TGFBR3: variants seen among roughly 807,000 people sequenced by gnomAD.
TGFBR3 encodes transforming growth factor beta receptor 3, also known as transforming growth factor beta receptor type 3.
Under a neutral mutation model 87.9 loss-of-function variants are expected in TGFBR3, and 46 were observed. The ratio of observed to expected loss-of-function variants is 0.52; its 90% CI spans 0.41 to 0.67. The LOEUF (loss-of-function observed/expected upper bound fraction) is 0.67. Ranked by LOEUF, TGFBR3 falls within the 30% of genes least tolerant of loss-of-function variation. The probability of loss-of-function intolerance (pLI) is 0.00; values close to 1 mark genes in which losing one functional copy is unlikely to be tolerated. For synonymous variants in TGFBR3, 381 were observed against 391.6 expected (o/e 0.97, Z 0.32); for missense variants, 866 against 1,041.9 (o/e 0.83, Z 2.32).
At chr1:91,746,468 C>T (rs181382572) in intron 4 of TGFBR3, among the ~76,000 whole-genome samples, 3 of 152,100 alleles carry the variant, frequency 2.0e-5, no homozygotes, top group Admixed American at 1.3e-4. Context: ...GAAGAGCTTA[C>T]CCCCAAATTC....
chr1:91,865,625 G>A (rs1194564600), intron 1 of TGFBR3, among the ~76,000 whole-genome samples: 5 of 152,078 alleles, frequency 3.3e-5, no homozygotes, highest in Non-Finnish European at 7.4e-5. Flanking sequence ...AAAATTCTGA[G>A]AACTTGGCCG....
chr1:91,805,005 A>C (rs1253208617), intron 2 of TGFBR3, among the ~76,000 whole-genome samples: 1 of 152,222 alleles, frequency 6.6e-6, no homozygotes, highest in African/African-American at 2.4e-5. Context: ...GCTCATAAGC[A>C]CACACGCGTG....
intron 2 of TGFBR3, among the ~76,000 whole-genome samples, chr1:91,821,845 G>A (rs934428245): frequency 3.3e-5 from 5 of 152,142 alleles, no homozygotes; most frequent in Non-Finnish European, 7.4e-5. Flanking sequence ...GCAAATATAC[G>A]ATACATATTA....
intron 2 of TGFBR3, among the ~76,000 whole-genome samples, chr1:91,848,847 C>A (rs553619479): frequency 6.6e-6 from 1 of 152,068 alleles, no homozygotes; most frequent in African/African-American, 2.4e-5. Context: ...GCTATTAAGA[C>A]GATGATTTTT....
chr1:91,717,090 A>C (rs982795217), intron 10 of TGFBR3, among the ~76,000 whole-genome samples: 1 of 152,242 alleles, frequency 6.6e-6, no homozygotes, highest in Admixed American at 6.5e-5. Flanking sequence ...TCCCCTTAAG[A>C]GTCTTTATAT....
At chr1:91,874,011 C>T (rs144108137) in intron 1 of TGFBR3, among the ~76,000 whole-genome samples, 5 of 151,894 alleles carry the variant, frequency 3.3e-5, no homozygotes, top group African/African-American at 1.2e-4. Context: ...TTATCAAGTG[C>T]CTGCTTCATG....
intron 1 of TGFBR3, among the ~76,000 whole-genome samples, chr1:91,875,951 G>C (rs1424456765): frequency 6.6e-6 from 1 of 151,150 alleles, no homozygotes; most frequent in Non-Finnish European, 1.5e-5. Flanking sequence ...AAACAAAATG[G>C]AAGACTGAAG....
chr1:91,752,888 G>A (rs1673599999), intron 4 of TGFBR3, among the ~76,000 whole-genome samples: 2 of 151,736 alleles, frequency 1.3e-5, no homozygotes, highest in African/African-American at 2.4e-5. Context: ...TTAGCTGGGT[G>A]TGGGGGTACA....
intron 1 of TGFBR3, among the ~76,000 whole-genome samples, chr1:91,902,751 C>A (rs1679759162): frequency 2.0e-5 from 3 of 152,078 alleles, no homozygotes; most frequent in South Asian, 4.2e-4. Flanking sequence ...AATTCAGCAC[C>A]CAGCACTGAA....
At chr1:91,753,390 C>CAA (rs71586711) in intron 4 of TGFBR3, among the ~76,000 whole-genome samples, 1,306 of 52,350 alleles carry the variant, frequency 0.025, 192 homozygotes, top group African/African-American at 0.033. Flanking sequence ...ACTCTGTCCT[C>CAA]AAAAAAAAAA....
Position 91,861,551 on chromosome 1 carries a change from C to T in TGFBR3, c.-20G>A, listed in dbSNP as rs567071982. 1.0e-4 allele frequency: 167 copies of T among 1,606,402 alleles called. No individual in the cohort carries two copies. Among genetic ancestry groups the T allele is most frequent in the South Asian group, 6.6e-4 (60 of 90,902 alleles). ...AGTCATTTTTATTTCTCCAACAGTG[C>T]GTCTCGTCCAGTCACTTCAGCCTGC... On this transcript the variant is annotated 5_prime_UTR_variant, in exon 2 of 17. Transcript: ENST00000212355.
At chr1:91,855,225 C>T (rs560484998) in intron 2 of TGFBR3, among the ~76,000 whole-genome samples, 3 of 152,300 alleles carry the variant, frequency 2.0e-5, no homozygotes, top group Non-Finnish European at 2.9e-5. Context: ...AGTTTGCAGG[C>T]GAGTTTCCAA....
At chr1:91,867,852 A>T (rs1277607835) in intron 1 of TGFBR3, among the ~76,000 whole-genome samples, 1 of 152,200 alleles carries the variant, frequency 6.6e-6, no homozygotes, top group African/African-American at 2.4e-5. Flanking sequence ...CAATATTTTG[A>T]TTATAATATA....
At chr1:91,708,329 T>C (rs1324662874) in intron 14 of TGFBR3, among the ~76,000 whole-genome samples, 3 of 152,152 alleles carry the variant, frequency 2.0e-5, no homozygotes, top group African/African-American at 7.2e-5. Flanking sequence ...TTGTGTGCAA[T>C]TCCCGGGACA....
At chr1:91,729,439 TCAGGGA>T (rs1672684041) in intron 6 of TGFBR3, among the ~76,000 whole-genome samples, 4 of 152,186 alleles carry the variant, frequency 2.6e-5, no homozygotes, top group African/African-American at 9.7e-5. Flanking sequence ...AATTTTCCTA[TCAGGGA>T]TAACCTTAGT....
chr1:91,735,654 A>G (rs1448910760), intron 4 of TGFBR3, among the ~76,000 whole-genome samples: 1 of 152,232 alleles, frequency 6.6e-6, no homozygotes, highest in Non-Finnish European at 1.5e-5. Context: ...TGACGTATGC[A>G]AGTACCTCAT....
chr1:91,898,041 A>AT (rs1195172221), intron 2 of TGFBR3, among the ~76,000 whole-genome samples: 1 of 9,962 alleles, frequency 1.0e-4, no homozygotes, highest in East Asian at 5.3e-3. Flanking sequence ...AATGTTTTCA[A>AT]TTTAAAAAAA....
chr1:91,764,761 A>G (rs1397024723), intron 3 of TGFBR3, among the ~76,000 whole-genome samples: 3 of 152,312 alleles, frequency 2.0e-5, no homozygotes, highest in Admixed American at 6.5e-5. Flanking sequence ...CATCACTAAC[A>G]CACCGCAGCC....
rs1557661378 is a variant in TGFBR3 at position 91,695,709 on chromosome 1, G to A, written c.2400C>T (p.Leu800=). 1 of 1,614,070 alleles carries A rather than the reference G, an allele frequency of 6.2e-7. No homozygotes were observed. The highest frequency in any genetic ancestry group is 8.5e-7 in the Non-Finnish European group (1 of 1,180,026). ...IAFAAFVIGA[L]LTGALWYIYS... ...AGATGTACCACAAGGCCCCCGTCAGGAGTGCTCCGATCACAAAGGCTGCAA... is the reference window on the plus strand; with the variant it reads ...AGATGTACCACAAGGCCCCCGTCAGAAGTGCTCCGATCACAAAGGCTGCAA... Residue 800 remains leucine (L), a synonymous_variant, in exon 16 of 17, where the codon CTC becomes CTT. Coordinates refer to ENST00000212355, the MANE Select transcript of TGFBR3 (RefSeq NM_003243.5).
Sources: gnomAD v4.1 joint callset for allele counts (sites outside exome capture counted in the v4.1 genomes callset) on GRCh38, gnomAD v4.1.1 for gene constraint, MANE v1.5 for transcripts, NCBI Gene and HGNC (gene_info 2026-07-23, HGNC 2026-07-21) for gene names.